The following ITGA8 variants were observed in gnomAD, a reference collection of about 807,000 sequenced individuals.
The protein encoded by ITGA8 is integrin subunit alpha 8.
ITGA8 carries 91 observed loss-of-function variants against 142.3 expected under a neutral mutation model. The ratio of observed to expected loss-of-function variants is 0.64; its 90% CI spans 0.54 to 0.76. The LOEUF is 0.76. Ranked by LOEUF, ITGA8 falls within the 30% of genes least tolerant of loss-of-function variation. The probability of loss-of-function intolerance (pLI) is 0.00; values close to 1 mark genes in which losing one functional copy is unlikely to be tolerated. For missense variants in ITGA8, 1,406 were observed against 1,327.7 expected (o/e 1.06, Z -0.92); for synonymous variants, 505 against 485.2 (o/e 1.04, Z -0.54).
intron 28 of ITGA8, among the ~76,000 whole-genome samples, chr10:15,527,906 CTTTTTTTTTTTTTT>C (rs34758919): frequency 1.3e-5 from 1 of 78,036 alleles, no homozygotes; most frequent in Non-Finnish European, 2.3e-5. Flanking sequence ...TTCGGCTGGG[CTTTTTTTTTTTTTT>C]TTTTTTTTTT....
At chr10:15,563,657 G>T (rs1834022896) in intron 25 of ITGA8, among the ~76,000 whole-genome samples, 1 of 152,178 alleles carries the variant, frequency 6.6e-6, no homozygotes, top group Admixed American at 6.5e-5. Context: ...GCTCACGCCG[G>T]TAATCCCAGC....
intron 12 of ITGA8, among the ~76,000 whole-genome samples, chr10:15,644,720 ATGTTT>A (rs1266467738): frequency 2.0e-5 from 3 of 151,474 alleles, no homozygotes; most frequent in African/African-American, 7.3e-5. Flanking sequence ...AGGGCTTATA[ATGTTT>A]TCCATGAAAA....
At chr10:15,577,988 A>G (rs1289469913) in intron 23 of ITGA8, among the ~76,000 whole-genome samples, 1 of 152,174 alleles carries the variant, frequency 6.6e-6, no homozygotes, top group East Asian at 1.9e-4. Context: ...TTGTAGATTC[A>G]TATGTAGTTG....
intron 6 of ITGA8, 56 bp from the exon 7 acceptor site, chr10:15,672,805 A>T: frequency 6.7e-7 from 1 of 1,495,128 alleles, no homozygotes; most frequent in South Asian, 1.4e-5. Flanking sequence ...CAGGCCCTCC[A>T]TGAGCAGACC....
At chr10:15,672,812 G>C (rs758528602) in intron 6 of ITGA8, 63 bp from the exon 7 acceptor site, 220 of 1,463,074 alleles carry the variant, frequency 1.5e-4, no homozygotes, top group Non-Finnish European at 1.7e-4. Flanking sequence ...TCCATGAGCA[G>C]ACCCACATTC....
At chr10:15,703,037 C>T (rs1835194359) in intron 2 of ITGA8, among the ~76,000 whole-genome samples, 1 of 152,118 alleles carries the variant, frequency 6.6e-6, no homozygotes, top group African/African-American at 2.4e-5. Context: ...TGAAACTTCC[C>T]TTTTAAATTA....
chr10:15,550,820 G>A (rs1212535507), intron 26 of ITGA8, among the ~76,000 whole-genome samples: 2 of 152,052 alleles, frequency 1.3e-5, no homozygotes, highest in African/African-American at 4.8e-5. Flanking sequence ...GTATTTTAGA[G>A]GGATGGGTAA....
chr10:15,536,158 G>A (rs1833431750), intron 27 of ITGA8, among the ~76,000 whole-genome samples: 1 of 152,078 alleles, frequency 6.6e-6, no homozygotes, highest in African/African-American at 2.4e-5. Context: ...TCTTGAAGTC[G>A]GTGAGACCAA....
At chr10:15,661,005 A>G (rs1834276080) in intron 8 of ITGA8, 83 bp from the exon 9 acceptor site, 1 of 1,263,732 alleles carries the variant, frequency 7.9e-7, no homozygotes, top group African/African-American at 1.5e-5. Flanking sequence ...AAAAGTGGTA[A>G]AGACAGTGCT....
chr10:15,629,804 A>C (rs1833652688), intron 13 of ITGA8, among the ~76,000 whole-genome samples: 1 of 151,972 alleles, frequency 6.6e-6, no homozygotes, highest in South Asian at 2.1e-4. Flanking sequence ...GCATGCACCT[A>C]TAATCCCAGC....
At chr10:15,588,500 C>T (rs1832870362) in intron 22 of ITGA8, among the ~76,000 whole-genome samples, 1 of 152,100 alleles carries the variant, frequency 6.6e-6, no homozygotes. Flanking sequence ...GAATTCTAAC[C>T]ATTAAGAAGT....
intron 8 of ITGA8, among the ~76,000 whole-genome samples, chr10:15,661,140 A>G (rs962915659): frequency 6.6e-6 from 1 of 152,212 alleles, no homozygotes; most frequent in Admixed American, 6.5e-5. Context: ...CAGGCGAGCC[A>G]GAACGAAGCT....
At chr10:15,528,638 G>A (rs185269079) in intron 28 of ITGA8, among the ~76,000 whole-genome samples, 2 of 151,012 alleles carry the variant, frequency 1.3e-5, no homozygotes, top group Admixed American at 1.3e-4. Flanking sequence ...AGTGCAGAAA[G>A]ATGCAATCCT....
intron 12 of ITGA8, among the ~76,000 whole-genome samples, chr10:15,644,637 G>A (rs1316845117): frequency 2.7e-5 from 4 of 150,022 alleles, no homozygotes; most frequent in East Asian, 2.0e-4. Context: ...CCATAGAGAC[G>A]TTTCTTTTTT....
chr10:15,524,462 G>A (rs908972670), intron 28 of ITGA8, among the ~76,000 whole-genome samples: 12 of 152,152 alleles, frequency 7.9e-5, no homozygotes, highest in African/African-American at 2.7e-4. Flanking sequence ...TGAATCAGGC[G>A]ACCTTGTCCT....
intron 4 of ITGA8, among the ~76,000 whole-genome samples, chr10:15,678,986 G>A (rs961241001): frequency 3.9e-5 from 6 of 152,162 alleles, no homozygotes; most frequent in South Asian, 2.1e-4. Context: ...AAATAGCGTT[G>A]TGATTCTCTA....
rs67683436 is a variant in ITGA8, at chr10:15,549,201, G to GTTTTTTTTTT, written c.2767-643_2767-634dup. On this transcript the variant is annotated intron_variant, in intron 26 of 29. Transcript: ENST00000378076. Reference sequence around the variant, plus strand: ...TTCTTTCTTTTTTCTTTTCTTTTCTGTTTTTTTTTTTTTTTTTTTTTTTTT... The same window carrying GTTTTTTTTTT: ...TTCTTTCTTTTTTCTTTTCTTTTCTGTTTTTTTTTTTTTTTTTTTTTTTTTTTTTTTTTTT... Among the ~76,000 whole-genome samples the GTTTTTTTTTT allele has an allele frequency of 3.3e-4, 35 of 107,328 alleles. 2 individuals carry two copies. The highest frequency in any genetic ancestry group is 4.2e-3 in the Middle Eastern group (1 of 236). 70.4% of individuals were successfully genotyped at this position (107,328 alleles called of 152,430 possible). A position where few individuals can be genotyped will look rare whatever the true frequency, so the allele number is the denominator to read the frequency against.
chr10:15,534,499 A>T (rs564115219), intron 27 of ITGA8, among the ~76,000 whole-genome samples: 1 of 152,360 alleles, frequency 6.6e-6, no homozygotes, highest in Middle Eastern at 3.4e-3. Flanking sequence ...ATCTCTGACC[A>T]CATGAATGAA....
chr10:15,656,818 T>C (rs1040894569), intron 10 of ITGA8, among the ~76,000 whole-genome samples: 1 of 152,226 alleles, frequency 6.6e-6, no homozygotes, highest in Non-Finnish European at 1.5e-5. Context: ...TGACGTAGCT[T>C]CCATCGTGTC....
Sources: allele counts gnomAD v4.1 joint callset (sites outside exome capture counted in the v4.1 genomes callset), GRCh38; gene constraint gnomAD v4.1.1; transcripts MANE v1.5; gene names NCBI Gene and HGNC (gene_info 2026-07-23, HGNC 2026-07-21).